FRMD4A: variants seen among roughly 807,000 people sequenced by gnomAD.
FRMD4A encodes the protein FERM domain containing 4A.
FRMD4A carries 29 observed loss-of-function variants against 129.1 expected under a neutral mutation model. The ratio of observed to expected loss-of-function variants is 0.22; its 90% CI spans 0.17 to 0.31. FRMD4A has a LOEUF of 0.31. FRMD4A is among the 10% of genes least tolerant of loss of function. FRMD4A has a pLI of 1.00. For synonymous variants in FRMD4A, 634 were observed against 571.6 expected (o/e 1.11, Z -1.56); for missense variants, 1,272 against 1,375.8 (o/e 0.92, Z 1.19).
At chr10:13,868,465 G>A (rs938373347) in intron 2 of FRMD4A, among the ~76,000 whole-genome samples, 2 of 152,078 alleles carry the variant, frequency 1.3e-5, no homozygotes, top group Non-Finnish European at 1.5e-5. Context: ...TCTGGCAAAC[G>A]ATTCCACCTG....
At chr10:14,086,787 C>G (rs571782288) in intron 2 of FRMD4A, among the ~76,000 whole-genome samples, 5 of 152,218 alleles carry the variant, frequency 3.3e-5, no homozygotes, top group Admixed American at 2.6e-4. Context: ...CACCACTGAG[C>G]GGACTCATTC....
At chr10:13,690,253 G>A (rs2085554501) in intron 15 of FRMD4A, among the ~76,000 whole-genome samples, 2 of 152,212 alleles carry the variant, frequency 1.3e-5, no homozygotes, top group African/African-American at 4.8e-5. Context: ...AGGAAGAAAG[G>A]GATGGAGATG....
In FRMD4A at chr10:14,045,982, T is replaced by C. The variant is rs565436836; in HGVS notation, c.46-187070A>G. ...ATTCATATTATTCAATACATACATA[T>C]TATTCAATGTTATACATATGTATTC... On this transcript the variant is annotated intron_variant, in intron 2 of 24. Transcript: ENST00000357447. 1.4e-4 allele frequency among the ~76,000 whole-genome samples: 21 copies of C among 149,578 alleles called. 1 individual carries two copies. The South Asian group carries it at 4.2e-3, about 30-fold the overall frequency.
rs184030670 is a variant in FRMD4A, at chr10:13,750,958, C to T, written c.465-3139G>A. On this transcript the variant is annotated intron_variant, in intron 8 of 24. Coordinates refer to ENST00000357447, the MANE Select transcript of FRMD4A (RefSeq NM_018027.5). ...TGAATTTCCGGATCTTCTCTCCCTG[C>T]GTCATGGTAAGTTCCCTGAGAAAAG... 7.9e-5 allele frequency among the ~76,000 whole-genome samples: 12 copies of T among 152,302 alleles called. No homozygotes were observed. In the South Asian group the frequency reaches 1.0e-3, roughly 13 times the overall value.
chr10:13,878,167 G>A (rs1450801975), intron 2 of FRMD4A, among the ~76,000 whole-genome samples: 1 of 129,028 alleles, frequency 7.8e-6, no homozygotes, highest in African/African-American at 2.9e-5. Context: ...ATTGGACACA[G>A]AACAATTTCT....
chr10:14,031,290 G>A (rs1383568891), intron 2 of FRMD4A, among the ~76,000 whole-genome samples: 3 of 148,880 alleles, frequency 2.0e-5, no homozygotes, highest in Non-Finnish European at 3.0e-5. Flanking sequence ...TTTTTGAGAT[G>A]GAGTTTCACT....
chr10:13,766,382 T>C (rs900325048), intron 6 of FRMD4A, among the ~76,000 whole-genome samples: 1 of 152,128 alleles, frequency 6.6e-6, no homozygotes, highest in Admixed American at 6.5e-5. Context: ...AGTGAAGATA[T>C]CAAAAACAGG....
intron 2 of FRMD4A, among the ~76,000 whole-genome samples, chr10:14,206,632 T>A (rs1053263583): frequency 5.9e-5 from 9 of 151,498 alleles, no homozygotes; most frequent in African/African-American, 2.2e-4. Context: ...ACCCCATTTT[T>A]ACTAAAAAAT....
intron 18 of FRMD4A, among the ~76,000 whole-genome samples, chr10:13,663,879 C>T (rs1424165048): frequency 3.3e-5 from 5 of 152,218 alleles, no homozygotes. Context: ...AACCAAAGGA[C>T]GCAAACTGCT....
chr10:13,664,844 G>A (rs1326053639), intron 18 of FRMD4A, among the ~76,000 whole-genome samples: 1 of 151,982 alleles, frequency 6.6e-6, no homozygotes, highest in Non-Finnish European at 1.5e-5. Flanking sequence ...TGAGTAGCTG[G>A]GACTATAGGT....
intron 2 of FRMD4A, among the ~76,000 whole-genome samples, chr10:14,292,750 A>G (rs1342807130): frequency 3.9e-5 from 6 of 152,158 alleles, no homozygotes; most frequent in Admixed American, 3.9e-4. Context: ...CAGTGAGCTG[A>G]GATCACACCA....
chr10:14,093,666 A>G (rs1254542041), intron 2 of FRMD4A, among the ~76,000 whole-genome samples: 2 of 152,118 alleles, frequency 1.3e-5, no homozygotes, highest in Admixed American at 1.3e-4. Context: ...GATTTCAACC[A>G]TATTATGAAT....
At chr10:13,671,368 C>T (rs750966296) in intron 16 of FRMD4A, among the ~76,000 whole-genome samples, 3 of 152,056 alleles carry the variant, frequency 2.0e-5, no homozygotes, top group Non-Finnish European at 4.4e-5. Flanking sequence ...GCAGGAGAAT[C>T]GCTTGAACCC....
chr10:13,649,797 G>C (rs965453748), intron 24 of FRMD4A, among the ~76,000 whole-genome samples: 1 of 152,180 alleles, frequency 6.6e-6, no homozygotes, highest in Non-Finnish European at 1.5e-5. Flanking sequence ...CATGTGCTAC[G>C]AAAGAGACCC....
intron 2 of FRMD4A, among the ~76,000 whole-genome samples, chr10:14,235,821 C>A (rs941009778): frequency 1.3e-5 from 2 of 152,216 alleles, no homozygotes; most frequent in Non-Finnish European, 2.9e-5. Flanking sequence ...TAGGCTTGAC[C>A]TGCCATGATT....
intron 12 of FRMD4A, among the ~76,000 whole-genome samples, chr10:13,714,037 T>TAC (rs1301118694): frequency 0.014 from 14 of 996 alleles, 1 homozygote; most frequent in African/African-American, 0.059. Context: ...CATATATATA[T>TAC]ATATATATAT....
chr10:13,806,239 T>A (rs2093355327), intron 4 of FRMD4A, among the ~76,000 whole-genome samples: 1 of 152,054 alleles, frequency 6.6e-6, no homozygotes, highest in South Asian at 2.1e-4. Flanking sequence ...ATCCTCCCAC[T>A]TTGGACTCCC....
Position 13,656,784 on chromosome 10 carries a change from G to A in FRMD4A, c.2805C>T (p.Ser935=). ...GGCTGTGCTCCTTGTGCGAGGCGGTGGAACGCTGGTACCACTGGCGCAGCT... is the reference window on the plus strand; with the variant it reads ...GGCTGTGCTCCTTGTGCGAGGCGGTAGAACGCTGGTACCACTGGCGCAGCT... ...SDELRQWYQR[S]TASHKEHSRL... is the part of the protein sequence containing the mutation. Residue 935 remains serine, a synonymous_variant, in exon 22 of 25, where the codon TCC becomes TCT. Coordinates refer to ENST00000357447, the MANE Select transcript of FRMD4A (RefSeq NM_018027.5). 1 of 1,596,230 alleles carries A rather than the reference G, an allele frequency of 6.3e-7. No homozygotes were observed. The highest frequency in any genetic ancestry group is 1.1e-5 in the South Asian group (1 of 88,428).
intron 2 of FRMD4A, among the ~76,000 whole-genome samples, chr10:14,084,989 T>A (rs931206753): frequency 1.3e-5 from 2 of 152,166 alleles, no homozygotes; most frequent in African/African-American, 2.4e-5. Flanking sequence ...ATGGTAATGA[T>A]CCCCTGATCT....
Sources: allele counts gnomAD v4.1 joint callset (sites outside exome capture counted in the v4.1 genomes callset), GRCh38; gene constraint gnomAD v4.1.1; transcripts MANE v1.5; gene names NCBI Gene and HGNC (gene_info 2026-07-23, HGNC 2026-07-21).